Variants in DLG2 observed in about 807,000 individuals in gnomAD.
DLG2 encodes disks large homolog 2.
DLG2 carries 45 observed loss-of-function variants against 132.5 expected under a neutral mutation model. That is an observed-to-expected ratio of 0.34 (90% CI 0.27 to 0.44). The LOEUF is 0.44. Among genes scored for constraint, DLG2 ranks in the 20% least tolerant of loss-of-function variants. DLG2 has a pLI of 1.00. For synonymous variants in DLG2, 424 were observed against 419.6 expected (o/e 1.01, Z -0.13); for missense variants, 1,045 against 1,196.9 (o/e 0.87, Z 1.87).
chr11:85,383,209 G>C (rs2086040581), intron 3 of DLG2, among the ~76,000 whole-genome samples: 1 of 152,112 alleles, frequency 6.6e-6, no homozygotes, highest in Admixed American at 6.5e-5. Flanking sequence ...CTTTAAGTGA[G>C]AGAAGCCAGT....
intron 5 of DLG2, among the ~76,000 whole-genome samples, chr11:85,122,529 G>A (rs1458004320): frequency 6.6e-6 from 1 of 152,118 alleles, no homozygotes; most frequent in African/African-American, 2.4e-5. Flanking sequence ...ATACAACATC[G>A]AGGGCCATGT....
At chr11:85,621,076 A>G (rs1269293402) in intron 2 of DLG2, among the ~76,000 whole-genome samples, 2 of 152,190 alleles carry the variant, frequency 1.3e-5, no homozygotes, top group Non-Finnish European at 2.9e-5. Context: ...CCTTCCAAAA[A>G]TCCTAGGGTC....
chr11:85,323,545 T>C (rs1237515441), intron 3 of DLG2, among the ~76,000 whole-genome samples: 3 of 152,178 alleles, frequency 2.0e-5, no homozygotes, highest in East Asian at 3.9e-4. Context: ...AAATATACAA[T>C]AAATTATTGT....
At chr11:84,675,434 A>G (rs1218452377) in intron 6 of DLG2, among the ~76,000 whole-genome samples, 2 of 152,118 alleles carry the variant, frequency 1.3e-5, no homozygotes, top group Admixed American at 6.6e-5. Context: ...GGATTCGAAG[A>G]TATTTTTAAC....
intron 6 of DLG2, among the ~76,000 whole-genome samples, chr11:84,981,383 A>G (rs576259791): frequency 6.6e-5 from 10 of 152,220 alleles, no homozygotes; most frequent in Non-Finnish European, 1.5e-4. Flanking sequence ...GCCAAATCCA[A>G]ATAATACTGA....
At chr11:84,700,751 C>T (rs1339315121) in intron 6 of DLG2, among the ~76,000 whole-genome samples, 1 of 151,576 alleles carries the variant, frequency 6.6e-6, no homozygotes, top group East Asian at 2.0e-4. Context: ...TAACATCCTC[C>T]TCCATTTGTT....
At chr11:84,731,538 G>A (rs1426866902) in intron 6 of DLG2, among the ~76,000 whole-genome samples, 1 of 151,882 alleles carries the variant, frequency 6.6e-6, no homozygotes, top group African/African-American at 2.4e-5. Flanking sequence ...AAACGGAAAG[G>A]GGAAAAGCAT....
Position 84,932,340 on chromosome 11 carries a change from C to G in DLG2, c.357+179321G>C, listed in dbSNP as rs145087492. On this transcript the variant is annotated intron_variant, in intron 6 of 27. Coordinates refer to ENST00000376104, the MANE Select transcript of DLG2 (RefSeq NM_001142699.3). ...TCCATCTTCAATTTTCTGCATATAACTAGCCAGTTAGCACCATTATTTACT... is the reference window on the plus strand; with the variant it reads ...TCCATCTTCAATTTTCTGCATATAAGTAGCCAGTTAGCACCATTATTTACT... Among the ~76,000 whole-genome samples the G allele has an allele frequency of 6.7e-4, 102 of 152,278 alleles. 1 individual carries two copies. The highest frequency in any genetic ancestry group is 2.2e-3 in the African/African-American group (93 of 41,544).
At chr11:84,438,373 C>T (rs1481685709) in intron 7 of DLG2, among the ~76,000 whole-genome samples, 1 of 151,952 alleles carries the variant, frequency 6.6e-6, no homozygotes, top group Non-Finnish European at 1.5e-5. Flanking sequence ...ACTGAGGCCT[C>T]TATTACAGGA....
chr11:84,559,474 G>T (rs1205748290), intron 6 of DLG2, among the ~76,000 whole-genome samples: 1 of 152,092 alleles, frequency 6.6e-6, no homozygotes, highest in African/African-American at 2.4e-5. Flanking sequence ...GTTGGCACGA[G>T]AAGTTTCCAT....
At chr11:84,597,896 A>C (rs2099567553) in intron 6 of DLG2, among the ~76,000 whole-genome samples, 1 of 152,220 alleles carries the variant, frequency 6.6e-6, no homozygotes, top group Non-Finnish European at 1.5e-5. Flanking sequence ...ACTCCTAATT[A>C]GCAAATTACA....
chr11:85,252,306 G>A (rs927522279), intron 4 of DLG2, among the ~76,000 whole-genome samples: 1 of 152,200 alleles, frequency 6.6e-6, no homozygotes, highest in African/African-American at 2.4e-5. Flanking sequence ...ATTACATCAT[G>A]TAAGAGAGGG....
At chr11:84,186,041 A>C (rs2096270242) in intron 8 of DLG2, among the ~76,000 whole-genome samples, 2 of 152,134 alleles carry the variant, frequency 1.3e-5, no homozygotes, top group South Asian at 4.1e-4. Flanking sequence ...TGTTAAACTT[A>C]TGTAGTTACC....
intron 14 of DLG2, among the ~76,000 whole-genome samples, chr11:83,935,589 C>T (rs188646881): frequency 6.6e-6 from 1 of 152,078 alleles, no homozygotes; most frequent in Admixed American, 6.5e-5. Context: ...TTGTAAGAAC[C>T]TATTCGCTCC....
chr11:84,502,799 T>G (rs1326497073), intron 7 of DLG2, among the ~76,000 whole-genome samples: 1 of 152,110 alleles, frequency 6.6e-6, no homozygotes, highest in East Asian at 1.9e-4. Flanking sequence ...TCTTACTTTT[T>G]AAAATGGAAG....
chr11:85,439,264 C>T (rs1009972985), intron 3 of DLG2, among the ~76,000 whole-genome samples: 4 of 152,128 alleles, frequency 2.6e-5, no homozygotes, highest in African/African-American at 9.7e-5. Flanking sequence ...GAATGAATGA[C>T]CCAGTCTAGT....
At chr11:84,086,833 C>G (rs1194430046) in intron 10 of DLG2, among the ~76,000 whole-genome samples, 1 of 152,242 alleles carries the variant, frequency 6.6e-6, no homozygotes, top group African/African-American at 2.4e-5. Flanking sequence ...ATATCTATTA[C>G]TAGCCCCTGG....
chr11:84,369,532 G>C (rs1197613777), intron 7 of DLG2, among the ~76,000 whole-genome samples: 1 of 152,022 alleles, frequency 6.6e-6, no homozygotes. Flanking sequence ...CTTTTCTTGG[G>C]GGGAGATGGG....
intron 7 of DLG2, among the ~76,000 whole-genome samples, chr11:84,325,888 T>C (rs1567297994): frequency 6.6e-6 from 1 of 152,148 alleles, no homozygotes; most frequent in Non-Finnish European, 1.5e-5. Flanking sequence ...AGGCTTTCCT[T>C]TGTGGGGAAG....
Sources: gnomAD v4.1 joint callset for allele counts (sites outside exome capture counted in the v4.1 genomes callset) on GRCh38, gnomAD v4.1.1 for gene constraint, MANE v1.5 for transcripts, NCBI Gene and HGNC (gene_info 2026-07-23, HGNC 2026-07-21) for gene names.